EPS8: variants seen among roughly 807,000 people sequenced by gnomAD.
EPS8 encodes EGFR pathway substrate 8, signaling adaptor, also known as epidermal growth factor receptor kinase substrate 8.
In EPS8, 42 loss-of-function variants were observed where a neutral mutation model predicts 103.8. That is an observed-to-expected ratio of 0.40 (90% confidence interval 0.32 to 0.52). The LOEUF is 0.52. EPS8 is among the 20% of genes least tolerant of loss of function. The pLI is 0.40. For missense variants in EPS8, 969 were observed against 1,005.1 expected, an observed-to-expected ratio of 0.96 and a Z score of 0.49; for synonymous variants, 344 against 344.6, an observed-to-expected ratio of 1.00 and a Z score of 0.02.
intron 8 of EPS8, among the ~76,000 whole-genome samples, chr12:15,662,999 CAAAAA>C (rs5796644): frequency 3.1e-5 from 4 of 128,666 alleles, no homozygotes; most frequent in Non-Finnish European, 3.4e-5. Flanking sequence ...CACTTGCCAA[CAAAAA>C]AAAAAAAAAA....
At chr12:15,692,319 G>GTTTTTTGT (rs1565503010) in intron 1 of EPS8, among the ~76,000 whole-genome samples, 1 of 120,320 alleles carries the variant, frequency 8.3e-6, no homozygotes, top group Non-Finnish European at 1.7e-5. Flanking sequence ...AAGAGGTTTG[G>GTTTTTTGT]TTTTTTTTTT....
At chr12:15,662,987 A>G (rs1945632393) in intron 8 of EPS8, among the ~76,000 whole-genome samples, 1 of 110,768 alleles carries the variant, frequency 9.0e-6, no homozygotes, top group African/African-American at 3.6e-5. Flanking sequence ...CTGTAACTGG[A>G]ACACTTGCCA....
chr12:15,744,343 C>T (rs1467952941), intron 1 of EPS8, among the ~76,000 whole-genome samples: 2 of 152,216 alleles, frequency 1.3e-5, no homozygotes, highest in Non-Finnish European at 2.9e-5. Context: ...TCCTCTGCCC[C>T]TTCCTTATTT....
At chr12:15,686,278 C>T (rs992760538) in intron 1 of EPS8, among the ~76,000 whole-genome samples, 2 of 152,148 alleles carry the variant, frequency 1.3e-5, no homozygotes, top group East Asian at 1.9e-4. Flanking sequence ...AATACATATA[C>T]AAAATACGTT....
At chr12:15,643,699 A>G (rs10772866) in intron 15 of EPS8, among the ~76,000 whole-genome samples, 117,932 of 146,750 alleles carry the variant, frequency 0.8, 52,248 homozygotes, top group Non-Finnish European at 0.97. Context: ...ATATCGTGCC[A>G]TTGCACTCCA....
intron 15 of EPS8, among the ~76,000 whole-genome samples, chr12:15,645,945 C>A (rs1484643022): frequency 6.6e-6 from 1 of 151,958 alleles, no homozygotes; most frequent in Non-Finnish European, 1.5e-5. Context: ...AAAAAGAAAC[C>A]TATTAATCTG....
chr12:15,621,961 G>A (rs1237330745), intron 20 of EPS8, among the ~76,000 whole-genome samples: 1 of 152,206 alleles, frequency 6.6e-6, no homozygotes, highest in East Asian at 1.9e-4. Context: ...TAGATCCAAG[G>A]AAAGGGTGAG....
At chr12:15,768,401 G>A (rs988051210) in intron 1 of EPS8, among the ~76,000 whole-genome samples, 43 of 118,882 alleles carry the variant, frequency 3.6e-4, no homozygotes, top group Admixed American at 1.1e-3. Flanking sequence ...TTACGCCACT[G>A]CACTCTAGCC....
Position 15,654,193 on chromosome 12 carries a change from T to A in EPS8, c.1202A>T (p.Asp401Val). 1 of 1,613,890 alleles carries A rather than the reference T, an allele frequency of 6.2e-7. No homozygotes were observed. Among genetic ancestry groups the A allele is most frequent in the South Asian group, 1.1e-5 (1 of 91,080 alleles). The change falls in exon 13 of 21, where the codon GAT becomes GTT. Residue 401 changes from aspartate (D) to valine (V), a missense_variant. Asp to Val is a radical substitution (Grantham distance 152). Transcript: ENST00000281172. ...IDFLNYTVNG[D>V]ERQLWMSLGG... ...CAATGACATCCACAGCTGCCGTTCA[T>A]CACCATTGACAGTATAATTTAAGAA... is the stretch of plus-strand genomic sequence containing the variant.
rs9805122 is a variant in EPS8, at chr12:15,760,168, A to T, written c.-22+28993T>A. Among the ~76,000 whole-genome samples, 150,327 of 152,190 alleles carry T rather than the reference A, an allele frequency of 0.99. 74,276 individuals carry two copies. The highest frequency in any genetic ancestry group is 1 in the East Asian group (5,176 of 5,176). On this transcript the variant is annotated intron_variant, in intron 1 of 20. Transcript: ENST00000281172. The surrounding 1 kb of genome is among the most constrained non-coding windows in gnomAD (Gnocchi z 4.5). ...TTCAAAGGATCATTAGTGGCTACTA[A>T]GAGCAACTATATGCCAATAAACTGG...
rs1945700228 is a variant in EPS8 at position 15,665,887 on chromosome 12, A to G, written c.605T>C (p.Ile202Thr). ...QKRRPDALRM[I>T]SNADPSIPPP... ...CGGTATACTAGGGTCTGCATTGGAA[A>G]TCATCCTTAAAAAGATGAAAACAAA... Residue 202 changes from isoleucine (I) to threonine (T), a missense_variant, in exon 8 of 21, where the codon ATT becomes ACT. By Grantham distance (89) the Ile-to-Thr change is moderately conservative. Transcript: ENST00000281172. 1 of 1,613,538 alleles carries G rather than the reference A, an allele frequency of 6.2e-7. No individual in the cohort carries two copies. Among genetic ancestry groups the G allele is most frequent in the Non-Finnish European group, 8.5e-7 (1 of 1,179,874 alleles).
intron 1 of EPS8, among the ~76,000 whole-genome samples, chr12:15,758,898 G>C (rs1194124299): frequency 1.3e-5 from 2 of 152,040 alleles, no homozygotes; most frequent in Non-Finnish European, 2.9e-5. Context: ...TGTATACAAG[G>C]GGGCAGGGAA....
chr12:15,780,641 T>C lies in EPS8; in HGVS notation c.-22+8520A>G, dbSNP rs563036715. On this transcript the variant is annotated intron_variant, in intron 1 of 20. Transcript: ENST00000281172. The surrounding 1 kb of genome is among the most constrained non-coding windows in gnomAD (Gnocchi z 4.1). Reference sequence around the variant, plus strand: ...GATAAGGTCTGATTCCAAAGTCCATTGTTTGTTTGTTTTTTAATATATACT... The same window carrying C: ...GATAAGGTCTGATTCCAAAGTCCATCGTTTGTTTGTTTTTTAATATATACT... 1.3e-5 allele frequency: 2 copies of C among 152,180 alleles called. No individual in the cohort carries two copies. The highest frequency in any genetic ancestry group is 2.4e-5 in the African/African-American group (1 of 41,510). The allele number at this position is 152,180 out of a possible 1,614,324, so 9.4% of individuals were successfully genotyped here. A position where few individuals can be genotyped will look rare whatever the true frequency, so the allele number is the denominator to read the frequency against.
chr12:15,712,940 C>A, intron 1 of EPS8: 1 of 985,358 alleles, frequency 1.0e-6, no homozygotes, highest in South Asian at 4.7e-5. Context: ...TGCCAAGTGA[C>A]CTTTGGCACA....
Position 15,769,268 on chromosome 12 carries a change from G to A in EPS8, c.-22+19893C>T, listed in dbSNP as rs1262533629. Reference sequence around the variant, plus strand: ...CACAAAAAATAAGAGATACAATCAGGCAAATATTATATGTCATTCTTTCAT... The same window carrying A: ...CACAAAAAATAAGAGATACAATCAGACAAATATTATATGTCATTCTTTCAT... On this transcript the variant is annotated intron_variant, in intron 1 of 20. Transcript: ENST00000281172. The surrounding 1 kb of genome is among the most constrained non-coding windows in gnomAD (Gnocchi z 4.6). 6.6e-6 allele frequency among the ~76,000 whole-genome samples: 1 copy of A among 151,986 alleles called. No homozygotes were observed. Among genetic ancestry groups the A allele is most frequent in the Non-Finnish European group, 1.5e-5 (1 of 67,994 alleles).
rs754841011 is a variant in EPS8, at chr12:15,669,669, A to C, written c.361T>G (p.Ser121Ala). 1 of 1,595,500 alleles carries C rather than the reference A, an allele frequency of 6.3e-7. No individual in the cohort carries two copies. The highest frequency in any genetic ancestry group is 2.2e-5 in the East Asian group (1 of 44,628). Reference protein sequence around the residue: ...DRAVSLIDLESKNELENFPLN... With the variant: ...DRAVSLIDLEAKNELENFPLN... ...TATAAATTTTACACACTTGCCTTTG[A>C]TTCTAAATCAATCAGGCTCACAGCT... Residue 121 changes from serine (S) to alanine (A), a missense_variant, in exon 5 of 21, where the codon TCA becomes GCA. By Grantham distance (99) the Ser-to-Ala change is moderately conservative. Transcript: ENST00000281172.
chr12:15,717,355 G>C lies in EPS8; in HGVS notation c.-21-34383C>G, dbSNP rs1012442993. ...TAATCCTAGCACTTTGGGAGGCCGA[G>C]GCAAGTGGATCATCTGAGGTCAGGA... is the stretch of plus-strand genomic sequence containing the variant. On this transcript the variant is annotated intron_variant, in intron 1 of 20. Transcript: ENST00000281172. The surrounding 1 kb of genome is among the most constrained non-coding windows in gnomAD (Gnocchi z 4.3). Among the ~76,000 whole-genome samples the C allele has an allele frequency of 1.3e-5, 2 of 152,206 alleles. No individual in the cohort carries two copies. The highest frequency in any genetic ancestry group is 4.8e-5 in the African/African-American group (2 of 41,458).
chr12:15,670,815 A>C, intron 4 of EPS8, 41 bp downstream of exon 4: 1 of 1,366,924 alleles, frequency 7.3e-7, no homozygotes, highest in Non-Finnish European at 1.0e-6. Flanking sequence ...TATGTTCCTC[A>C]AGGGTCACTC....
intron 1 of EPS8, among the ~76,000 whole-genome samples, chr12:15,707,918 CTAAT>C (rs1018490492): frequency 6.6e-6 from 1 of 152,142 alleles, no homozygotes; most frequent in Non-Finnish European, 1.5e-5. Context: ...CTCTAATTCT[CTAAT>C]TGTTTTCTTC....
Sources: gnomAD v4.1 joint callset for allele counts (sites outside exome capture counted in the v4.1 genomes callset) on GRCh38, gnomAD v4.1.1 for gene constraint, Gnocchi (gnomAD v3.1) non-coding constraint, MANE v1.5 for transcripts, NCBI Gene and HGNC (gene_info 2026-07-23, HGNC 2026-07-21) for gene names.